PRRC2C: variants seen among roughly 807,000 people sequenced by gnomAD.
The protein encoded by PRRC2C is protein PRRC2C.
PRRC2C carries 72 observed loss-of-function variants against 317.2 expected under a neutral mutation model. The observed-to-expected ratio is 0.23, with a 90% CI of 0.19 to 0.28. The LOEUF (loss-of-function observed/expected upper bound fraction) is 0.28. PRRC2C is among the 10% of genes least tolerant of loss of function. The probability of loss-of-function intolerance (pLI) is 1.00; values close to 1 mark genes in which losing one functional copy is unlikely to be tolerated. For missense variants in PRRC2C, 3,074 were observed against 3,459.7 expected, an observed-to-expected ratio of 0.89 and a Z score of 2.80; for synonymous variants, 1,296 against 1,205.9, an observed-to-expected ratio of 1.07 and a Z score of -1.55.
chr1:171,589,308 G>GTTTTT (rs11284338), intron 33 of PRRC2C, 61 bp from the exon 34 acceptor site: 182 of 445,380 alleles, frequency 4.1e-4, no homozygotes, highest in Middle Eastern at 6.8e-4. Flanking sequence ...CTAGTTGGCA[G>GTTTTT]TTTTTTTTTT....
chr1:171,564,219 T>TA (rs1437313539), intron 20 of PRRC2C, among the ~76,000 whole-genome samples: 7 of 152,208 alleles, frequency 4.6e-5, no homozygotes, highest in South Asian at 4.1e-4. Context: ...TACTTAAAGT[T>TA]ATCAACGTTA....
intron 17 of PRRC2C, among the ~76,000 whole-genome samples, chr1:171,545,934 C>T (rs1679038359): frequency 6.6e-6 from 1 of 152,132 alleles, no homozygotes; most frequent in South Asian, 2.1e-4. Flanking sequence ...AATCCAACAG[C>T]ATTGCACTGT....
Position 171,541,649 on chromosome 1 carries a change from AGAC to A in PRRC2C, c.4184_4186del (p.Arg1395_His1396delinsAsn). Reference sequence around the variant, plus strand: ...ACCAGAAGATGGAGAGCCGCCAAGAAGACATGAGCAGTTTATTCCTATAGCAGC... The same window carrying A: ...ACCAGAAGATGGAGAGCCGCCAAGAAATGAGCAGTTTATTCCTATAGCAGC... On this transcript the variant is annotated inframe_deletion, in exon 16 of 35. Transcript: ENST00000647382. This position sits in a 1 kb window ranked among gnomAD's most constrained non-coding sequence, Gnocchi z 4.1. 3.7e-6 allele frequency: 6 copies of A among 1,613,876 alleles called. No individual in the cohort carries two copies. Among genetic ancestry groups the A allele is most frequent in the Non-Finnish European group, 4.2e-6 (5 of 1,179,890 alleles).
At chr1:171,527,888 C>T (rs1479717803) in intron 11 of PRRC2C, 44 bp downstream of exon 11, 2 of 1,502,332 alleles carry the variant, frequency 1.3e-6, no homozygotes, top group Admixed American at 2.0e-5. Context: ...TTTTATTTGA[C>T]CTTTTGTTTT....
chr1:171,560,188 G>A (rs945986847), intron 19 of PRRC2C, among the ~76,000 whole-genome samples: 6 of 152,196 alleles, frequency 3.9e-5, no homozygotes, highest in Non-Finnish European at 8.8e-5. Context: ...GAGGATGTCA[G>A]AATATCAACA....
intron 31 of PRRC2C, 109 bp downstream of exon 31, chr1:171,587,330 T>A: frequency 9.8e-7 from 1 of 1,022,796 alleles, no homozygotes; most frequent in Non-Finnish European, 1.4e-6. Context: ...TTTACCACCC[T>A]GCAAAAATCT....
chr1:171,561,492 T>G (rs534272654), intron 20 of PRRC2C, among the ~76,000 whole-genome samples: 1 of 152,270 alleles, frequency 6.6e-6, no homozygotes, highest in South Asian at 2.1e-4. Context: ...CAGAATTAAC[T>G]TGGAGGGCAA....
chr1:171,577,769 G>GAAT, intron 26 of PRRC2C, 132 bp downstream of exon 26: 6 of 502,366 alleles, frequency 1.2e-5, no homozygotes, highest in African/African-American at 4.3e-5. Flanking sequence ...ATTTAAATTC[G>GAAT]CATTTTTTTT....
At chr1:171,565,452 G>A (rs1683464837) in intron 20 of PRRC2C, among the ~76,000 whole-genome samples, 1 of 152,072 alleles carries the variant, frequency 6.6e-6, no homozygotes, top group Non-Finnish European at 1.5e-5. Context: ...TAGCTGGGTT[G>A]GTTTGTTTGT....
chr1:171,584,761 T>G (rs1431286810), intron 30 of PRRC2C, among the ~76,000 whole-genome samples: 1 of 152,112 alleles, frequency 6.6e-6, no homozygotes, highest in African/African-American at 2.4e-5. Context: ...TTTTTTTATA[T>G]CTTCCAGGTT....
At position 171,584,031 on chromosome 1, in the gene PRRC2C, T is replaced by A; in HGVS notation, c.7485T>A (p.Phe2495Leu). The A allele has an allele frequency of 6.2e-7, 1 of 1,614,010 alleles. No individual in the cohort carries two copies. Among genetic ancestry groups the A allele is most frequent in the South Asian group, 1.1e-5 (1 of 91,080 alleles). ...VVLSGTAIHNFPTVQHQELAK... is the reference protein window; with the variant it reads ...VVLSGTAIHNLPTVQHQELAK... ...TTTCTGGTACTGCTATTCACAACTT[T>A]CCAACTGTCCAACACCAAGAACTTG... Residue 2495 changes from phenylalanine (F) to leucine (L), a missense_variant, in exon 29 of 35, where the codon TTT (phenylalanine) becomes TTA (leucine). This residue lies in a region of PRRC2C where 490 missense variants were observed against 663.1 expected (regional missense o/e 0.74). Transcript: ENST00000647382.
At chr1:171,551,465 A>G (rs1308791908) in intron 18 of PRRC2C, among the ~76,000 whole-genome samples, 1 of 152,158 alleles carries the variant, frequency 6.6e-6, no homozygotes, top group Non-Finnish European at 1.5e-5. Flanking sequence ...CTTTAGTTTA[A>G]TTAGATCCCT....
In PRRC2C at chr1:171,512,198, C is replaced by T; in HGVS notation, c.110C>T (p.Thr37Ile). The T allele has an allele frequency of 4.5e-6, 7 of 1,539,124 alleles. No individual in the cohort carries two copies. The highest frequency in any genetic ancestry group is 5.3e-6 in the Non-Finnish European group (6 of 1,129,792). The change falls in exon 2 of 35, where the codon ACA becomes ATA. Residue 37 changes from threonine to isoleucine, a missense_variant and splice_region_variant. By Grantham distance (89) the Thr-to-Ile change is moderately conservative. Around this residue, in one of 11 missense-constraint regions of PRRC2C, gnomAD observed 71 missense variants for 118.9 expected, o/e 0.60. Coordinates refer to ENST00000647382, the MANE Select transcript of PRRC2C (RefSeq NM_001387844.1). ...KGKSLETQKTTVAARHGLQSL... is the reference protein window; with the variant it reads ...KGKSLETQKTIVAARHGLQSL... Reference sequence around the variant, plus strand: ...AAATCATTAGAAACACAGAAAACCACAGGTGAGTAAAATCAAGTGACACTT... The same window carrying T: ...AAATCATTAGAAACACAGAAAACCATAGGTGAGTAAAATCAAGTGACACTT...
chr1:171,515,939 C>A, intron 5 of PRRC2C, 80 bp downstream of exon 5: 1 of 1,427,582 alleles, frequency 7.0e-7, no homozygotes, highest in South Asian at 1.6e-5. Flanking sequence ...CTTGCTGTTG[C>A]ATATATTATT....
At chr1:171,488,111 C>T (rs1262975489) in intron 1 of PRRC2C, among the ~76,000 whole-genome samples, 1 of 129,164 alleles carries the variant, frequency 7.7e-6, no homozygotes, top group African/African-American at 2.9e-5. Flanking sequence ...CTCCAAGTGC[C>T]ACCCCTAAAC....
intron 1 of PRRC2C, among the ~76,000 whole-genome samples, chr1:171,486,383 C>G (rs1352521853): frequency 1.3e-5 from 2 of 151,972 alleles, no homozygotes; most frequent in Non-Finnish European, 2.9e-5. Context: ...CTCTAACTTG[C>G]GTGGTGAATC....
chr1:171,582,837 T>TGTGGGTACACTA (rs1295830615), intron 28 of PRRC2C, among the ~76,000 whole-genome samples: 1 of 146,736 alleles, frequency 6.8e-6, no homozygotes, highest in Non-Finnish European at 1.5e-5. Flanking sequence ...TATACTACAC[T>TGTGGGTACACTA]GTGGGTACAC....
chr1:171,591,344 T>G (rs1038470374), intron 34 of PRRC2C: 1 of 720,718 alleles, frequency 1.4e-6, no homozygotes, highest in African/African-American at 1.9e-5. Flanking sequence ...AGGGCAGACC[T>G]TGAAAAGGTG....
intron 13 of PRRC2C, 83 bp downstream of exon 13, chr1:171,535,680 A>G (rs1039867320): frequency 7.1e-7 from 1 of 1,417,010 alleles, no homozygotes. Context: ...CATAAAACTG[A>G]TAATACGTAA....
Sources: gnomAD v4.1 joint callset for allele counts (sites outside exome capture counted in the v4.1 genomes callset) on GRCh38, gnomAD v4.1.1 for gene constraint, gnomAD v4.1.1 regional missense constraint, Gnocchi (gnomAD v3.1) non-coding constraint, MANE v1.5 for transcripts, NCBI Gene and HGNC (gene_info 2026-07-23, HGNC 2026-07-21) for gene names.